The following THSD4 variants were observed in gnomAD, a reference collection of about 807,000 sequenced individuals.
The protein encoded by THSD4 is thrombospondin type-1 domain-containing protein 4.
In THSD4, 69 loss-of-function variants were observed where a neutral mutation model predicts 119.0. The ratio of observed to expected loss-of-function variants is 0.58; its 90% CI spans 0.48 to 0.71. The LOEUF (loss-of-function observed/expected upper bound fraction) is 0.71, where lower values mean the gene tolerates loss of function less well. Among genes scored for constraint, THSD4 ranks in the 30% least tolerant of loss-of-function variants. The probability of loss-of-function intolerance (pLI) is 0.00; values close to 1 mark genes in which losing one functional copy is unlikely to be tolerated. For missense variants in THSD4, 1,393 were observed against 1,391.1 expected, an observed-to-expected ratio of 1.00 and a Z score of -0.02; for synonymous variants, 524 against 540.4, an observed-to-expected ratio of 0.97 and a Z score of 0.42.
chr15:71,678,863 C>T (rs2051709171), intron 8 of THSD4, among the ~76,000 whole-genome samples: 1 of 152,108 alleles, frequency 6.6e-6, no homozygotes, highest in Non-Finnish European at 1.5e-5. Flanking sequence ...TTTCACATAG[C>T]CCCACCCTTT....
chr15:71,779,939 A>T lies in THSD4; in HGVS notation c.*2565A>T, dbSNP rs1394462794. 6.6e-6 allele frequency: 1 copy of T among 150,970 alleles called. No individual in the cohort carries two copies. Among genetic ancestry groups the T allele is most frequent in the East Asian group, 2.0e-4 (1 of 5,112 alleles). 9.4% of individuals were successfully genotyped at this position (150,970 alleles called of 1,614,324 possible). ...GAAGTTTGATTATTATTATAGTTTG[A>T]TCAATTTATTTGTCTTAGAGATCCA... is the stretch of plus-strand genomic sequence containing the variant. On this transcript the variant is annotated 3_prime_UTR_variant, in exon 18 of 18. Transcript: ENST00000261862.
intron 3 of THSD4, among the ~76,000 whole-genome samples, chr15:71,214,795 G>C (rs2043916452): frequency 6.6e-6 from 1 of 152,254 alleles, no homozygotes; most frequent in Non-Finnish European, 1.5e-5. Context: ...AGCCCTCCAA[G>C]GCCATGACAC....
intron 7 of THSD4, among the ~76,000 whole-genome samples, chr15:71,520,789 T>A (rs1328378895): frequency 6.6e-6 from 1 of 152,188 alleles, no homozygotes; most frequent in Non-Finnish European, 1.5e-5. Context: ...CCCAAAGTGC[T>A]ATATAGTGAG....
chr15:71,368,599 G>T (rs2046000225), intron 6 of THSD4, among the ~76,000 whole-genome samples: 1 of 152,146 alleles, frequency 6.6e-6, no homozygotes, highest in South Asian at 2.1e-4. Context: ...GGTTGTAGGT[G>T]TGTGGTATTA....
intron 7 of THSD4, among the ~76,000 whole-genome samples, chr15:71,566,155 T>G (rs899853833): frequency 3.0e-5 from 1 of 33,238 alleles, no homozygotes; most frequent in Non-Finnish European, 7.1e-5. Context: ...TTTCTTTTTT[T>G]CTTTTTTTTT....
At chr15:71,326,686 A>ATATATAT (rs2045343747) in intron 6 of THSD4, among the ~76,000 whole-genome samples, 1 of 16,602 alleles carries the variant, frequency 6.0e-5, no homozygotes, top group African/African-American at 1.3e-4. Context: ...AAAAAAAAAA[A>ATATATAT]AAAAAAAAAA....
chr15:71,299,166 A>G (rs1042588618), intron 6 of THSD4, among the ~76,000 whole-genome samples: 4 of 152,252 alleles, frequency 2.6e-5, no homozygotes, highest in African/African-American at 9.6e-5. Context: ...ATGTTTTAAT[A>G]TATTTTGAAG....
intron 6 of THSD4, among the ~76,000 whole-genome samples, chr15:71,347,964 T>C (rs962025771): frequency 6.6e-6 from 1 of 152,210 alleles, no homozygotes; most frequent in Non-Finnish European, 1.5e-5. Flanking sequence ...ACCCTCTGCA[T>C]ACTCATTCCC....
At chr15:71,355,284 C>T (rs75003517) in intron 6 of THSD4, among the ~76,000 whole-genome samples, 146 of 152,340 alleles carry the variant, frequency 9.6e-4, no homozygotes, top group African/African-American at 3.5e-3. Flanking sequence ...GGCCTGCTTA[C>T]ACCCAGCTCA....
At chr15:71,289,833 C>T (rs2044767246) in intron 6 of THSD4, among the ~76,000 whole-genome samples, 2 of 152,032 alleles carry the variant, frequency 1.3e-5, no homozygotes, top group South Asian at 4.1e-4. Context: ...AAAATAAATA[C>T]CCTGGCTTCT....
Position 71,201,269 on chromosome 15 carries a change from T to C in THSD4, c.100-13766T>C, listed in dbSNP as rs561629896. The stretch of plus-strand genomic sequence containing the variant: ...TGGTACTTCTGCTCACCAATAAACA[T>C]GGTCTATTTGGCCATCTGGGATGCT... On this transcript the variant is annotated intron_variant, in intron 3 of 17. Coordinates refer to ENST00000261862, the MANE Select transcript of THSD4 (RefSeq NM_024817.3). Among the ~76,000 whole-genome samples the C allele has an allele frequency of 2.6e-5, 4 of 152,230 alleles. No homozygotes were observed. In the South Asian group the frequency reaches 8.3e-4, roughly 32 times the overall value.
intron 6 of THSD4, among the ~76,000 whole-genome samples, chr15:71,330,454 ACT>A (rs921981817): frequency 7.2e-5 from 11 of 152,158 alleles, no homozygotes; most frequent in Admixed American, 6.5e-4. Context: ...AATTACACTA[ACT>A]CTGCTAAAAT....
intron 1 of THSD4, among the ~76,000 whole-genome samples, chr15:71,119,753 A>G (rs2040393693): frequency 6.6e-6 from 1 of 152,196 alleles, no homozygotes; most frequent in Non-Finnish European, 1.5e-5. Flanking sequence ...TGGACAGGCA[A>G]AGCCAGCCCC....
chr15:71,200,209 G>A (rs572592405), intron 3 of THSD4, among the ~76,000 whole-genome samples: 1 of 152,084 alleles, frequency 6.6e-6, no homozygotes, highest in Non-Finnish European at 1.5e-5. Context: ...ACATAGGTCT[G>A]TTGTTCACCG....
At chr15:71,384,335 G>A (rs1250288393) in intron 6 of THSD4, among the ~76,000 whole-genome samples, 3 of 151,918 alleles carry the variant, frequency 2.0e-5, no homozygotes, top group Non-Finnish European at 4.4e-5. Flanking sequence ...CCGAGAGTGC[G>A]CCACTGCACT....
chr15:71,555,421 T>G (rs896375804), intron 7 of THSD4, among the ~76,000 whole-genome samples: 6 of 152,266 alleles, frequency 3.9e-5, no homozygotes, highest in African/African-American at 1.4e-4. Context: ...GTATAATGTT[T>G]ATGTGTATAC....
chr15:71,435,559 CTT>C (rs1470499781), intron 7 of THSD4, among the ~76,000 whole-genome samples: 1 of 152,168 alleles, frequency 6.6e-6, no homozygotes, highest in Non-Finnish European at 1.5e-5. Context: ...CCTGAGGTAA[CTT>C]TCCGGGTTTA....
chr15:71,519,931 A>T (rs2140781820), intron 7 of THSD4, among the ~76,000 whole-genome samples: 1 of 152,314 alleles, frequency 6.6e-6, no homozygotes, highest in South Asian at 2.1e-4. Flanking sequence ...GAGCCTTCAG[A>T]AAAGAAGATG....
intron 17 of THSD4, among the ~76,000 whole-genome samples, chr15:71,772,588 A>G (rs2053841246): frequency 6.6e-6 from 1 of 152,238 alleles, no homozygotes; most frequent in South Asian, 2.1e-4. Context: ...GGAACATATT[A>G]TAAAGCTACA....
Sources: gnomAD v4.1 joint callset for allele counts (sites outside exome capture counted in the v4.1 genomes callset) on GRCh38, gnomAD v4.1.1 for gene constraint, MANE v1.5 for transcripts, NCBI Gene and HGNC (gene_info 2026-07-23, HGNC 2026-07-21) for gene names.